SMYD3: variants seen among roughly 807,000 people sequenced by gnomAD.
SMYD3 encodes the protein histone-lysine N-methyltransferase SMYD3.
SMYD3 carries 36 observed loss-of-function variants against 57.7 expected under a neutral mutation model. That is an observed-to-expected ratio of 0.62 (90% confidence interval 0.48 to 0.82). SMYD3 has a LOEUF of 0.82. Among genes scored for constraint, SMYD3 ranks in the 40% least tolerant of loss-of-function variants. The probability of loss-of-function intolerance (pLI) is 0.00; values close to 1 mark genes in which losing one functional copy is unlikely to be tolerated. For missense variants in SMYD3, 515 were observed against 538.8 expected (o/e 0.96, Z 0.44); for synonymous variants, 211 against 195.0 (o/e 1.08, Z -0.68).
At chr1:246,209,235 T>C (rs966793232) in intron 5 of SMYD3, among the ~76,000 whole-genome samples, 1 of 152,176 alleles carries the variant, frequency 6.6e-6, no homozygotes, top group Non-Finnish European at 1.5e-5. Flanking sequence ...ATGGCTGTGA[T>C]GATAAATTAC....
At chr1:245,894,589 C>T (rs1161251703) in intron 8 of SMYD3, among the ~76,000 whole-genome samples, 1 of 152,174 alleles carries the variant, frequency 6.6e-6, no homozygotes, top group Non-Finnish European at 1.5e-5. Flanking sequence ...AAGGAACCAA[C>T]TCTGGACACA....
intron 7 of SMYD3, among the ~76,000 whole-genome samples, chr1:245,927,190 G>T (rs1167130937): frequency 6.6e-6 from 1 of 152,222 alleles, no homozygotes; most frequent in African/African-American, 2.4e-5. Flanking sequence ...CTGTAACTCA[G>T]AACTCAGCAT....
intron 1 of SMYD3, among the ~76,000 whole-genome samples, chr1:246,383,619 C>T (rs566625339): frequency 3.0e-4 from 46 of 152,316 alleles, no homozygotes; most frequent in Admixed American, 2.3e-3. Context: ...AGAGGTAATA[C>T]ATCACATGAA....
chr1:246,430,993 A>AC, intron 1 of SMYD3, among the ~76,000 whole-genome samples: 1 of 152,294 alleles, frequency 6.6e-6, no homozygotes, highest in Non-Finnish European at 1.5e-5. Flanking sequence ...CTGAAACATA[A>AC]CCCCTGAGAT....
chr1:246,398,043 TAAAGTCTGAAA>T (rs1364920491), intron 1 of SMYD3, among the ~76,000 whole-genome samples: 1 of 152,162 alleles, frequency 6.6e-6, no homozygotes, highest in African/African-American at 2.4e-5. Context: ...ACTAGAATGC[TAAAGTCTGAAA>T]AACATCTCAA....
chr1:246,359,866 G>A (rs1469211431), intron 1 of SMYD3, among the ~76,000 whole-genome samples: 1 of 152,120 alleles, frequency 6.6e-6, no homozygotes, highest in East Asian at 1.9e-4. Context: ...ACTGAACAGG[G>A]AAAAGTTGAA....
intron 1 of SMYD3, among the ~76,000 whole-genome samples, chr1:246,505,589 C>A (rs1001033931): frequency 7.2e-5 from 11 of 152,200 alleles, no homozygotes; most frequent in Non-Finnish European, 1.2e-4. Context: ...GATGCCCAGT[C>A]AAGTCTTGGC....
intron 7 of SMYD3, among the ~76,000 whole-genome samples, chr1:245,920,120 T>C (rs554291053): frequency 2.6e-4 from 39 of 152,176 alleles, no homozygotes; most frequent in East Asian, 7.8e-4. Context: ...GAGACCATCC[T>C]GGCTAACACG....
chr1:246,481,607 TACA>T (rs2068104538), intron 1 of SMYD3, among the ~76,000 whole-genome samples: 12 of 61,968 alleles, frequency 1.9e-4, no homozygotes, highest in African/African-American at 5.4e-4. Flanking sequence ...TATATATATA[TACA>T]CATACATATA....
chr1:246,262,534 C>G (rs1477942533), intron 5 of SMYD3, among the ~76,000 whole-genome samples: 1 of 152,126 alleles, frequency 6.6e-6, no homozygotes, highest in Non-Finnish European at 1.5e-5. Context: ...TTGGGTGACT[C>G]AGACAGACAC....
chr1:245,931,239 G>A (rs1045795934), intron 5 of SMYD3, among the ~76,000 whole-genome samples: 1 of 152,144 alleles, frequency 6.6e-6, no homozygotes, highest in Admixed American at 6.5e-5. Flanking sequence ...CTATAAAAAG[G>A]TGAATGGAAG....
chr1:246,235,195 A>G (rs2063494567), intron 5 of SMYD3, among the ~76,000 whole-genome samples: 1 of 152,178 alleles, frequency 6.6e-6, no homozygotes, highest in African/African-American at 2.4e-5. Flanking sequence ...AAGAAAAGAC[A>G]GGAGTTAATA....
At chr1:246,301,826 T>C (rs1181296002) in intron 5 of SMYD3, among the ~76,000 whole-genome samples, 1 of 152,140 alleles carries the variant, frequency 6.6e-6, no homozygotes, top group Non-Finnish European at 1.5e-5. Context: ...GTGACTATAA[T>C]ACAAAGCAGA....
chr1:246,006,894 A>G (rs546114814), intron 5 of SMYD3, among the ~76,000 whole-genome samples: 1 of 152,338 alleles, frequency 6.6e-6, no homozygotes, highest in East Asian at 1.9e-4. Context: ...AAAACCAATT[A>G]GCACTATGAA....
intron 8 of SMYD3, among the ~76,000 whole-genome samples, chr1:245,890,609 C>T (rs963358745): frequency 5.6e-4 from 85 of 152,100 alleles, no homozygotes; most frequent in African/African-American, 1.9e-3. Context: ...AGGGAACCCT[C>T]GCACACTATT....
chr1:246,181,553 C>A (rs2062551625), intron 5 of SMYD3, among the ~76,000 whole-genome samples: 3 of 152,230 alleles, frequency 2.0e-5, no homozygotes, highest in Non-Finnish European at 4.4e-5. Flanking sequence ...ACACTTCATG[C>A]AACCAAAGAT....
At chr1:245,777,550 TG>T (rs1442131027) in intron 10 of SMYD3, among the ~76,000 whole-genome samples, 1 of 152,052 alleles carries the variant, frequency 6.6e-6, no homozygotes, top group East Asian at 1.9e-4. Context: ...CCTGGATAAC[TG>T]GGAAATTGCA....
intron 8 of SMYD3, among the ~76,000 whole-genome samples, chr1:245,890,776 T>C (rs1438459059): frequency 6.6e-6 from 1 of 152,212 alleles, no homozygotes; most frequent in African/African-American, 2.4e-5. Flanking sequence ...CACGCCCATG[T>C]TTATTGCACT....
chr1:245,852,413 A>T (rs1467083879), intron 10 of SMYD3, among the ~76,000 whole-genome samples: 2 of 152,346 alleles, frequency 1.3e-5, no homozygotes, highest in African/African-American at 2.4e-5. Flanking sequence ...CAAGGTGATT[A>T]GGGCTAAAGG....
Sources: gnomAD v4.1 joint callset for allele counts (sites outside exome capture counted in the v4.1 genomes callset) on GRCh38, gnomAD v4.1.1 for gene constraint, MANE v1.5 for transcripts, NCBI Gene and HGNC (gene_info 2026-07-23, HGNC 2026-07-21) for gene names.